ADGRD1: variants seen among roughly 807,000 people sequenced by gnomAD.
The protein encoded by ADGRD1 is adhesion G protein-coupled receptor D1, also known as G-protein coupled receptor 133.
In ADGRD1, 77 loss-of-function variants were observed where a neutral mutation model predicts 113.4. The ratio of observed to expected loss-of-function variants is 0.68; its 90% CI spans 0.57 to 0.82. ADGRD1 has a LOEUF of 0.82. Ranked by LOEUF, ADGRD1 falls within the 40% of genes least tolerant of loss-of-function variation. The pLI is 0.00. For synonymous variants in ADGRD1, 474 were observed against 475.0 expected (o/e 1.00, Z 0.03); for missense variants, 1,036 against 1,139.1 (o/e 0.91, Z 1.30).
At chr12:130,961,837 A>G (rs952391981) in intron 2 of ADGRD1, among the ~76,000 whole-genome samples, 3 of 152,200 alleles carry the variant, frequency 2.0e-5, no homozygotes, top group Non-Finnish European at 4.4e-5. Flanking sequence ...TTAAAAAAAA[A>G]TCTGAATTTC....
chr12:131,004,826 T>G (rs1173844932), intron 11 of ADGRD1, among the ~76,000 whole-genome samples: 1 of 152,194 alleles, frequency 6.6e-6, no homozygotes, highest in Non-Finnish European at 1.5e-5. Flanking sequence ...GGGGACCCCC[T>G]GCCTCTGACC....
intron 11 of ADGRD1, among the ~76,000 whole-genome samples, chr12:131,005,737 C>T (rs1015374010): frequency 1.3e-5 from 1 of 78,038 alleles, no homozygotes; most frequent in African/African-American, 6.9e-5. Flanking sequence ...GGGTTTCAGC[C>T]TCCACATGTC....
chr12:131,016,620 G>A (rs913929082), intron 13 of ADGRD1, among the ~76,000 whole-genome samples: 14 of 152,246 alleles, frequency 9.2e-5, no homozygotes, highest in East Asian at 1.9e-4. Flanking sequence ...GTAGCTGGGC[G>A]CAGTGGCTCA....
Position 131,004,309 on chromosome 12 carries a change from G to A in ADGRD1, c.1255+13G>A. The A allele has an allele frequency of 1.9e-6, 3 of 1,567,212 alleles. No individual in the cohort carries two copies. Among genetic ancestry groups the A allele is most frequent in the Non-Finnish European group, 2.6e-6 (3 of 1,137,780 alleles). On this transcript the variant is annotated intron_variant, in intron 11 of 24. Coordinates refer to ENST00000261654, the MANE Select transcript of ADGRD1 (RefSeq NM_198827.5). Reference sequence around the variant, plus strand: ...TTCCACAGGCACGGTGAGTGTGGCTGCGCTGGACTCCCTTCCGGGGCGGCT... The same window carrying A: ...TTCCACAGGCACGGTGAGTGTGGCTACGCTGGACTCCCTTCCGGGGCGGCT...
At chr12:131,006,131 C>G (rs1031484057) in intron 12 of ADGRD1, 84 bp downstream of exon 12, 1 of 1,118,252 alleles carries the variant, frequency 8.9e-7, no homozygotes, top group South Asian at 1.2e-5. Flanking sequence ...CCGCCCCACA[C>G]GCACAACACT....
In ADGRD1 at chr12:131,129,788, TAAGA is replaced by T. The variant is rs1156947481; in HGVS notation, c.2176-1936_2176-1933del. Among the ~76,000 whole-genome samples the T allele has an allele frequency of 1.2e-4, 19 of 152,252 alleles. 1 individual carries two copies. The highest frequency in any genetic ancestry group is 2.8e-4 in the Non-Finnish European group (19 of 68,040). ...TTCAAGAAAAACTTCTGAATCTCAG[TAAGA>T]GCAGGCAGGGTCTGTGGCAGTTTGA... is the stretch of plus-strand genomic sequence containing the variant. On this transcript the variant is annotated intron_variant, in intron 20 of 24. Transcript: ENST00000261654.
chr12:131,084,131 G>A lies in ADGRD1; in HGVS notation c.1548-409G>A, dbSNP rs987887714. 6.6e-6 allele frequency among the ~76,000 whole-genome samples: 1 copy of A among 152,222 alleles called. No homozygotes were observed. Among genetic ancestry groups the A allele is most frequent in the Non-Finnish European group, 1.5e-5 (1 of 68,032 alleles). ...TCCCCCGATGGGCATTTATGTTACC[G>A]TCACTCATGATTCAGTGACTGGGCT... On this transcript the variant is annotated intron_variant, in intron 14 of 24. Coordinates refer to ENST00000261654, the MANE Select transcript of ADGRD1 (RefSeq NM_198827.5). This position sits in a 1 kb window ranked among gnomAD's most constrained non-coding sequence, Gnocchi z 4.5.
At chr12:131,067,327 G>A (rs150191263) in intron 13 of ADGRD1, among the ~76,000 whole-genome samples, 119 of 152,290 alleles carry the variant, frequency 7.8e-4, no homozygotes, top group African/African-American at 2.8e-3. Context: ...AGCTGGGCAC[G>A]TTGCCACCCC....
intron 13 of ADGRD1, among the ~76,000 whole-genome samples, chr12:131,028,922 C>T (rs1427707740): frequency 1.3e-5 from 2 of 152,198 alleles, no homozygotes; most frequent in East Asian, 1.9e-4. Flanking sequence ...TGATGCGCGT[C>T]GTGAAACTGC....
chr12:131,111,906 C>T (rs900114101), intron 18 of ADGRD1, among the ~76,000 whole-genome samples: 1 of 151,360 alleles, frequency 6.6e-6, no homozygotes, highest in Admixed American at 6.6e-5. Context: ...TTTGAAGTCT[C>T]TTTTTTTTTG....
At chr12:130,999,907 A>G (rs1346178241) in intron 8 of ADGRD1, among the ~76,000 whole-genome samples, 2 of 152,214 alleles carry the variant, frequency 1.3e-5, no homozygotes, top group East Asian at 1.9e-4. Context: ...CGAACCAAAC[A>G]TGGTTTTAAG....
chr12:131,115,937 T>G (rs1950453736), intron 18 of ADGRD1, among the ~76,000 whole-genome samples: 1 of 152,208 alleles, frequency 6.6e-6, no homozygotes, highest in Non-Finnish European at 1.5e-5. Flanking sequence ...GCTGGTTCCT[T>G]GTAGATGCAC....
chr12:130,965,209 G>A lies in ADGRD1; in HGVS notation c.104-1254G>A, dbSNP rs1870874527. ...AGCATTATTGTTGGAATACAGAAAA[G>A]CAATTGACATTTGTATATTAAATTT... is the stretch of plus-strand genomic sequence containing the variant. On this transcript the variant is annotated intron_variant, in intron 2 of 24. Coordinates refer to ENST00000261654, the MANE Select transcript of ADGRD1 (RefSeq NM_198827.5). This position sits in a 1 kb window ranked among gnomAD's most constrained non-coding sequence, Gnocchi z 4.8. Among the ~76,000 whole-genome samples the A allele has an allele frequency of 1.3e-5, 2 of 152,140 alleles. No individual in the cohort carries two copies. The highest frequency in any genetic ancestry group is 2.9e-5 in the Non-Finnish European group (2 of 68,026).
At chr12:131,137,049 CA>C in intron 23 of ADGRD1, 35 bp downstream of exon 23, 1 of 1,576,594 alleles carries the variant, frequency 6.3e-7, no homozygotes, top group South Asian at 1.1e-5. Flanking sequence ...GGTGCAGGTG[CA>C]GCTGGCTTTT....
At chr12:131,139,085 C>T in intron 24 of ADGRD1, 83 bp from the exon 25 acceptor site, 1 of 1,034,338 alleles carries the variant, frequency 9.7e-7, no homozygotes, top group Non-Finnish European at 1.5e-6. Context: ...CAGCTATGGG[C>T]CCAATGCTCC....
intron 14 of ADGRD1, among the ~76,000 whole-genome samples, chr12:131,079,446 G>T (rs1885897159): frequency 6.6e-6 from 1 of 152,126 alleles, no homozygotes; most frequent in Non-Finnish European, 1.5e-5. Flanking sequence ...TTGGATATTG[G>T]TCTGCAGTTT....
At chr12:131,005,000 C>G (rs1420897848) in intron 11 of ADGRD1, among the ~76,000 whole-genome samples, 1 of 152,194 alleles carries the variant, frequency 6.6e-6, no homozygotes, top group African/African-American at 2.4e-5. Context: ...CAGATTTTTG[C>G]CCCTGCCACC....
intron 13 of ADGRD1, among the ~76,000 whole-genome samples, chr12:131,036,215 C>T (rs1169580844): frequency 6.6e-6 from 1 of 152,008 alleles, no homozygotes; most frequent in Non-Finnish European, 1.5e-5. Context: ...GTCTTAACCA[C>T]TGCACCGGGT....
At chr12:131,077,596 C>G (rs190218921) in intron 14 of ADGRD1, among the ~76,000 whole-genome samples, 2 of 152,202 alleles carry the variant, frequency 1.3e-5, no homozygotes, top group Non-Finnish European at 2.9e-5. Flanking sequence ...CAGCTCCCCG[C>G]AGGGCCGGGG....
Sources: gnomAD v4.1 joint callset for allele counts (sites outside exome capture counted in the v4.1 genomes callset) on GRCh38, gnomAD v4.1.1 for gene constraint, Gnocchi (gnomAD v3.1) non-coding constraint, MANE v1.5 for transcripts, NCBI Gene and HGNC (gene_info 2026-07-23, HGNC 2026-07-21) for gene names.